The following SAMD5 variants were observed in gnomAD, a reference collection of about 807,000 sequenced individuals.
SAMD5 encodes sterile alpha motif domain containing 5, also known as sterile alpha motif domain-containing protein 5.
Under a neutral mutation model 11.3 loss-of-function variants are expected in SAMD5, and 13 were observed. That is an observed-to-expected ratio of 1.15 (90% CI 0.75 to 1.83). The LOEUF (loss-of-function observed/expected upper bound fraction) is 1.83. SAMD5 is among the 40% of genes most tolerant of loss of function. SAMD5 has a pLI of 0.00. For synonymous variants in SAMD5, 129 were observed against 111.3 expected (o/e 1.16, Z -1.00); for missense variants, 255 against 239.1 (o/e 1.07, Z -0.44).
intron 1 of SAMD5, among the ~76,000 whole-genome samples, chr6:147,542,249 G>A (rs1311362411): frequency 6.6e-6 from 1 of 152,202 alleles, no homozygotes; most frequent in Non-Finnish European, 1.5e-5. Context: ...GGCCGCTTGG[G>A]CTGGCTTCTG....
intron 1 of SAMD5, among the ~76,000 whole-genome samples, chr6:147,693,770 A>T (rs1339091151): frequency 2.0e-5 from 3 of 152,062 alleles, no homozygotes; most frequent in African/African-American, 7.2e-5. Flanking sequence ...GGAGTTCAAG[A>T]CCAGCCTGGC....
chr6:147,572,074 C>T (rs927734852), downstream of SAMD5, among the ~76,000 whole-genome samples: 1 of 151,956 alleles, frequency 6.6e-6, no homozygotes, highest in African/African-American at 2.4e-5. Context: ...TCCCTCGTTC[C>T]TAGTGTATTA....
the SAMD5 span, among the ~76,000 whole-genome samples, chr6:147,776,324 T>C: frequency 0.041 from 6,261 of 152,284 alleles, 150 homozygotes; most frequent in Middle Eastern, 0.051. Context: ...GCTTACAGGT[T>C]ACACCTCATA....
the SAMD5 span, among the ~76,000 whole-genome samples, chr6:147,760,722 T>G: frequency 6.6e-6 from 1 of 152,232 alleles, no homozygotes; most frequent in Non-Finnish European, 1.5e-5. Context: ...ACCGTGTCAG[T>G]ATCTAGAAGT....
chr6:147,622,433 G>A (rs1789984833), intron 1 of SAMD5, among the ~76,000 whole-genome samples: 1 of 152,128 alleles, frequency 6.6e-6, no homozygotes, highest in South Asian at 2.1e-4. Context: ...CACGGATATG[G>A]AGGGCCAACT....
chr6:147,831,826 A>G, the SAMD5 span, among the ~76,000 whole-genome samples: 2 of 152,126 alleles, frequency 1.3e-5, no homozygotes, highest in Non-Finnish European at 2.9e-5. Context: ...GGCCTCATGC[A>G]TTATGTAGCT....
the SAMD5 span, among the ~76,000 whole-genome samples, chr6:147,890,858 T>C: frequency 1.2e-4 from 18 of 152,214 alleles, no homozygotes; most frequent in South Asian, 2.9e-3. Context: ...CACATGTGCA[T>C]ACAAATTTTC....
chr6:147,583,918 G>A (rs999226389), intron 1 of SAMD5, among the ~76,000 whole-genome samples: 1 of 151,868 alleles, frequency 6.6e-6, no homozygotes, highest in Non-Finnish European at 1.5e-5. Context: ...ACATGATAAA[G>A]TTCTTGAGTA....
chr6:147,885,918 A>G, the SAMD5 span, among the ~76,000 whole-genome samples: 1 of 152,240 alleles, frequency 6.6e-6, no homozygotes, highest in African/African-American at 2.4e-5. Context: ...CATATGTCTA[A>G]AGAACATATA....
chr6:147,548,541 C>T (rs893025558), intron 1 of SAMD5, among the ~76,000 whole-genome samples: 2 of 152,174 alleles, frequency 1.3e-5, no homozygotes, highest in African/African-American at 2.4e-5. Context: ...GAAGTCAATT[C>T]GTTTGTGATT....
At chr6:147,513,440 T>C (rs1344504676) in intron 1 of SAMD5, among the ~76,000 whole-genome samples, 1 of 152,146 alleles carries the variant, frequency 6.6e-6, no homozygotes, top group Non-Finnish European at 1.5e-5. Flanking sequence ...AAGATTGTGA[T>C]GTGATGTAGG....
At chr6:147,867,986 T>A in the SAMD5 span, among the ~76,000 whole-genome samples, 1 of 152,238 alleles carries the variant, frequency 6.6e-6, no homozygotes, top group African/African-American at 2.4e-5. Context: ...TGTTTAATAT[T>A]AAAAATTTAC....
chr6:147,934,749 G>A, the SAMD5 span, among the ~76,000 whole-genome samples: 1 of 152,106 alleles, frequency 6.6e-6, no homozygotes, highest in Non-Finnish European at 1.5e-5. Context: ...GCTCTCATGG[G>A]GATTGTGGAT....
the SAMD5 span, among the ~76,000 whole-genome samples, chr6:147,788,752 G>A: frequency 9.2e-5 from 14 of 152,276 alleles, no homozygotes; most frequent in African/African-American, 3.4e-4. Flanking sequence ...AGTGGCAAAA[G>A]TCACTTCTTT....
chr6:147,890,799 G>A, the SAMD5 span, among the ~76,000 whole-genome samples: 1 of 151,470 alleles, frequency 6.6e-6, no homozygotes, highest in African/African-American at 2.4e-5. Context: ...TTAAAGATTA[G>A]ATGTACATCC....
chr6:147,652,816 G>C (rs999539952), intron 1 of SAMD5, among the ~76,000 whole-genome samples: 6 of 151,984 alleles, frequency 3.9e-5, no homozygotes, highest in Non-Finnish European at 8.8e-5. Flanking sequence ...ACTTTGTTTG[G>C]TCAGCATTAA....
At chr6:147,905,286 A>T in the SAMD5 span, among the ~76,000 whole-genome samples, 16 of 151,998 alleles carry the variant, frequency 1.1e-4, no homozygotes, top group African/African-American at 3.6e-4. Flanking sequence ...GGTTCAAGTG[A>T]TTGTCCTGCC....
At chr6:147,572,869 T>C (rs773411408), downstream of SAMD5, among the ~76,000 whole-genome samples, 2 of 152,182 alleles carry the variant, frequency 1.3e-5, no homozygotes, top group African/African-American at 2.4e-5. Context: ...ATATTTGATA[T>C]AAATTTGTGA....
At chr6:147,647,833 C>G (rs1790427758) in intron 1 of SAMD5, among the ~76,000 whole-genome samples, 1 of 152,314 alleles carries the variant, frequency 6.6e-6, no homozygotes, top group Admixed American at 6.5e-5. Context: ...CTCACACCCT[C>G]TTCTGAAAAT....
Sources: gnomAD v4.1 joint callset for allele counts (sites outside exome capture counted in the v4.1 genomes callset) on GRCh38, gnomAD v4.1.1 for gene constraint, MANE v1.5 for transcripts, NCBI Gene and HGNC (gene_info 2026-07-23, HGNC 2026-07-21) for gene names.